GALNT11: variants seen among roughly 807,000 people sequenced by gnomAD.
GALNT11 encodes the protein UDP-GalNAc:polypeptide N-acetylgalactosaminyltransferase 11.
In GALNT11, 47 loss-of-function variants were observed where a neutral mutation model predicts 72.7. The ratio of observed to expected loss-of-function variants is 0.65; its 90% CI spans 0.51 to 0.82. The LOEUF is 0.82. Ranked by LOEUF, GALNT11 falls within the 40% of genes least tolerant of loss-of-function variation. The pLI is 0.00. For missense variants in GALNT11, 677 were observed against 778.4 expected, an observed-to-expected ratio of 0.87 and a Z score of 1.55; for synonymous variants, 270 against 286.6, an observed-to-expected ratio of 0.94 and a Z score of 0.58.
chr7:152,121,880 G>A lies in GALNT11; in HGVS notation c.*203G>A, dbSNP rs2089458561. The A allele has an allele frequency of 1.8e-6, 1 of 550,172 alleles. No individual in the cohort carries two copies. The allele number at this position is 550,172 out of a possible 1,614,324, so 34.1% of individuals were successfully genotyped here. On this transcript the variant is annotated 3_prime_UTR_variant, in exon 12 of 12. Transcript: ENST00000430044. ...GGAGCTCTGAGTGTCCACGGGTGAA[G>A]AAGTGAGTGTCCACGGGTGAAGAAG...
At chr7:152,105,942 T>C (rs1040344648) in intron 5 of GALNT11, among the ~76,000 whole-genome samples, 9 of 152,232 alleles carry the variant, frequency 5.9e-5, no homozygotes, top group Admixed American at 5.2e-4. Context: ...CATCATACAC[T>C]GCTCTCCCCC....
At chr7:152,105,041 G>C in intron 4 of GALNT11, 2 of 434,954 alleles carry the variant, frequency 4.6e-6, no homozygotes, top group Non-Finnish European at 8.0e-6. Context: ...ATTCCTCTTT[G>C]CTAGTATTCC....
intron 8 of GALNT11, among the ~76,000 whole-genome samples, chr7:152,114,878 G>A (rs1402942711): frequency 6.6e-6 from 1 of 152,212 alleles, no homozygotes. Flanking sequence ...TGCACCTCCT[G>A]TATGCCAGGC....
At chr7:152,117,504 T>G in intron 9 of GALNT11, 129 bp downstream of exon 9, 1 of 864,352 alleles carries the variant, frequency 1.2e-6, no homozygotes, top group Non-Finnish European at 1.8e-6. Context: ...CAGCTTGCCT[T>G]TCATTATATT....
chr7:152,084,088 T>G (rs1021664931), intron 1 of GALNT11, among the ~76,000 whole-genome samples: 17 of 152,182 alleles, frequency 1.1e-4, no homozygotes, highest in Non-Finnish European at 2.1e-4. Flanking sequence ...AGCAGTAGGA[T>G]TTCCTCTGAC....
intron 1 of GALNT11, among the ~76,000 whole-genome samples, chr7:152,029,389 T>A (rs763652059): frequency 3.9e-4 from 60 of 152,204 alleles, no homozygotes; most frequent in Middle Eastern, 3.4e-3. Flanking sequence ...TAGGTAGGGG[T>A]ATTAGTTGTA....
intron 5 of GALNT11, among the ~76,000 whole-genome samples, chr7:152,105,912 C>T (rs6966843): frequency 0.1 from 15,844 of 152,072 alleles, 1,730 homozygotes; most frequent in African/African-American, 0.27. Context: ...AGCAAGTCTC[C>T]GTTGTTACTA....
chr7:152,065,582 A>C (rs1262688744), intron 1 of GALNT11, among the ~76,000 whole-genome samples: 2 of 151,872 alleles, frequency 1.3e-5, no homozygotes, highest in Non-Finnish European at 2.9e-5. Flanking sequence ...TTATCTACCT[A>C]TGGTCTTTGA....
At chr7:152,103,607 CCT>C (rs774532824) in intron 4 of GALNT11, 4 of 241,670 alleles carry the variant, frequency 1.7e-5, no homozygotes, top group Non-Finnish European at 3.4e-5. Context: ...ATAAAATTCC[CCT>C]GTCAGAACCA....
chr7:152,079,069 G>A (rs1305381060), intron 1 of GALNT11, among the ~76,000 whole-genome samples: 3 of 152,210 alleles, frequency 2.0e-5, no homozygotes, highest in African/African-American at 7.2e-5. Context: ...TAGGATGCAA[G>A]CGAAAACCCT....
chr7:152,058,482 C>T (rs1473026204), intron 1 of GALNT11, among the ~76,000 whole-genome samples: 4 of 151,928 alleles, frequency 2.6e-5, no homozygotes, highest in African/African-American at 7.3e-5. Flanking sequence ...TACAGGCATG[C>T]GTCACCATAC....
In GALNT11 at chr7:152,035,689, C is replaced by T. The variant is rs77199224; in HGVS notation, c.-39+9805C>T. Among the ~76,000 whole-genome samples, 91 of 152,320 alleles carry T rather than the reference C, an allele frequency of 6.0e-4. No homozygotes were observed. In the East Asian group the frequency reaches 9.1e-3, roughly 15 times the overall value. On this transcript the variant is annotated intron_variant, in intron 1 of 11. Transcript: ENST00000430044. The stretch of plus-strand genomic sequence containing the variant: ...CCTGACACCCGTGTCTTTAGTCCAG[C>T]GGCTGTGCTAGTCAGTTTTAACTGG...
intron 1 of GALNT11, among the ~76,000 whole-genome samples, chr7:152,071,008 C>T (rs1257438386): frequency 6.6e-6 from 1 of 152,004 alleles, no homozygotes; most frequent in East Asian, 1.9e-4. Flanking sequence ...AGGTCACAGA[C>T]ATCAAGTACT....
chr7:152,033,687 C>T (rs929905662), intron 1 of GALNT11, among the ~76,000 whole-genome samples: 1 of 152,096 alleles, frequency 6.6e-6, no homozygotes, highest in Admixed American at 6.5e-5. Flanking sequence ...TGGGCTTTTT[C>T]CTAATTCTCC....
intron 1 of GALNT11, among the ~76,000 whole-genome samples, chr7:152,029,592 A>T (rs2082207593): frequency 6.6e-6 from 1 of 152,262 alleles, no homozygotes; most frequent in African/African-American, 2.4e-5. Flanking sequence ...ATATTAACTT[A>T]GAATTGATAT....
intron 1 of GALNT11, chr7:152,079,407 A>G (rs1397127076): frequency 6.6e-6 from 1 of 152,154 alleles, no homozygotes; most frequent in Admixed American, 6.5e-5. Context: ...TTGCTCTTCT[A>G]GGTATTTGCC....
At chr7:152,115,811 C>G (rs1435459675) in intron 8 of GALNT11, among the ~76,000 whole-genome samples, 1 of 151,704 alleles carries the variant, frequency 6.6e-6, no homozygotes, top group Non-Finnish European at 1.5e-5. Context: ...AATCCCAGCA[C>G]TTTGCGAGGC....
intron 1 of GALNT11, among the ~76,000 whole-genome samples, chr7:152,089,775 A>G (rs1342709548): frequency 2.0e-5 from 3 of 152,248 alleles, no homozygotes; most frequent in African/African-American, 7.2e-5. Context: ...AAGAGTTATT[A>G]GCATAAAGTG....
chr7:152,081,531 A>G (rs538774111), intron 1 of GALNT11, among the ~76,000 whole-genome samples: 2 of 152,348 alleles, frequency 1.3e-5, no homozygotes, highest in East Asian at 3.9e-4. Context: ...AGTCACAATA[A>G]AAGTTTGCTT....
Sources: gnomAD v4.1 joint callset for allele counts (sites outside exome capture counted in the v4.1 genomes callset) on GRCh38, gnomAD v4.1.1 for gene constraint, MANE v1.5 for transcripts, NCBI Gene and HGNC (gene_info 2026-07-23, HGNC 2026-07-21) for gene names.